The following PLA2G4E variants were observed in gnomAD, a reference collection of about 807,000 sequenced individuals.
The protein encoded by PLA2G4E is cytosolic phospholipase A2 epsilon.
A neutral mutation model predicts 109.1 loss-of-function variants in PLA2G4E; 84 were observed. The ratio of observed to expected loss-of-function variants is 0.77; its 90% CI spans 0.65 to 0.92. The LOEUF is 0.92. Ranked by LOEUF, PLA2G4E falls within the 40% of genes least tolerant of loss-of-function variation. The probability of loss-of-function intolerance (pLI) is 0.00; values close to 1 mark genes in which losing one functional copy is unlikely to be tolerated. For missense variants in PLA2G4E, 1,057 were observed against 1,076.6 expected (o/e 0.98, Z 0.25); for synonymous variants, 469 against 436.1 (o/e 1.08, Z -0.94).
At chr15:42,044,422 C>T (rs970230092) in intron 1 of PLA2G4E, among the ~76,000 whole-genome samples, 8 of 152,048 alleles carry the variant, frequency 5.3e-5, no homozygotes, top group Admixed American at 2.0e-4. Flanking sequence ...GCACCTGTGT[C>T]TGGGGCACGG....
intron 1 of PLA2G4E, among the ~76,000 whole-genome samples, chr15:42,032,029 A>G (rs2141071653): frequency 6.6e-6 from 1 of 152,144 alleles, no homozygotes; most frequent in South Asian, 2.1e-4. Flanking sequence ...AGTTCATGCA[A>G]GATCTAGTTG....
chr15:42,020,575 G>A (rs2141064789), intron 1 of PLA2G4E, among the ~76,000 whole-genome samples: 1 of 152,288 alleles, frequency 6.6e-6, no homozygotes, highest in East Asian at 1.9e-4. Flanking sequence ...ATGTTTGCAG[G>A]GTTAAATCCT....
intron 12 of PLA2G4E, among the ~76,000 whole-genome samples, 181 bp from the exon 13 acceptor site, chr15:41,993,140 A>G (rs929418782): frequency 6.6e-6 from 1 of 152,172 alleles, no homozygotes; most frequent in African/African-American, 2.4e-5. Context: ...GGTGAACATT[A>G]TTACTCATAA....
chr15:42,009,981 C>T (rs938140938), intron 2 of PLA2G4E: 2 of 335,438 alleles, frequency 6.0e-6, no homozygotes, highest in Non-Finnish European at 1.2e-5. Context: ...CATCTGTCTC[C>T]ATCACACTGT....
At chr15:42,026,595 A>T (rs563502907) in intron 1 of PLA2G4E, among the ~76,000 whole-genome samples, 1 of 152,340 alleles carries the variant, frequency 6.6e-6, no homozygotes, top group African/African-American at 2.4e-5. Flanking sequence ...GTGGAAGAGG[A>T]GGCTATCAGG....
chr15:42,013,360 G>A (rs1328108013), intron 2 of PLA2G4E, among the ~76,000 whole-genome samples: 5 of 152,206 alleles, frequency 3.3e-5, no homozygotes, highest in South Asian at 2.1e-4. Context: ...CTTGGAAATC[G>A]ATTCCAGGAA....
chr15:42,046,681 C>T (rs1889422045), intron 1 of PLA2G4E, among the ~76,000 whole-genome samples: 1 of 152,188 alleles, frequency 6.6e-6, no homozygotes, highest in South Asian at 2.1e-4. Context: ...CTGACCTGCT[C>T]AGTGCTCTCT....
chr15:42,045,522 T>G (rs1050991159), intron 1 of PLA2G4E, among the ~76,000 whole-genome samples: 2 of 152,200 alleles, frequency 1.3e-5, no homozygotes, highest in Non-Finnish European at 2.9e-5. Context: ...CTGCAGAGCT[T>G]GTGCTTTCTG....
intron 2 of PLA2G4E, among the ~76,000 whole-genome samples, chr15:42,008,539 G>T (rs1431222641): frequency 2.6e-5 from 4 of 152,216 alleles, no homozygotes; most frequent in Non-Finnish European, 5.9e-5. Flanking sequence ...CATTCTAAAT[G>T]AACAACCCAA....
chr15:42,037,685 G>A (rs930288094), intron 1 of PLA2G4E, among the ~76,000 whole-genome samples: 1 of 152,146 alleles, frequency 6.6e-6, no homozygotes, highest in Non-Finnish European at 1.5e-5. Flanking sequence ...GAAGAGCTGC[G>A]GCCCTTCAGG....
chr15:42,019,327 C>A (rs896343310), intron 1 of PLA2G4E, among the ~76,000 whole-genome samples: 3 of 152,230 alleles, frequency 2.0e-5, no homozygotes, highest in Non-Finnish European at 4.4e-5. Flanking sequence ...ACTTAATTAC[C>A]AAAGGGCTCC....
chr15:42,021,009 C>G (rs150927968), intron 1 of PLA2G4E, among the ~76,000 whole-genome samples: 9 of 151,868 alleles, frequency 5.9e-5, no homozygotes, highest in Non-Finnish European at 1.2e-4. Flanking sequence ...GAGACCCTGG[C>G]GTGCATCTGC....
intron 1 of PLA2G4E, among the ~76,000 whole-genome samples, chr15:42,031,657 C>A (rs977658702): frequency 6.6e-6 from 1 of 152,144 alleles, no homozygotes; most frequent in East Asian, 1.9e-4. Flanking sequence ...TGGTCCAAGG[C>A]CAGCTGACCA....
At chr15:42,022,643 C>G (rs771983530) in intron 1 of PLA2G4E, among the ~76,000 whole-genome samples, 14 of 152,094 alleles carry the variant, frequency 9.2e-5, no homozygotes, top group Admixed American at 6.6e-4. Context: ...CTATGAGAAT[C>G]TAATGCCACT....
At chr15:42,007,762 T>C (rs1595567001) in exon 3 of PLA2G4E, 1 of 1,612,802 alleles carries the variant, frequency 6.2e-7, no homozygotes, top group Non-Finnish European at 8.5e-7. Flanking sequence ...AGTTGAAGCT[T>C]TCATTCCACT....
rs1422616189 is a variant in PLA2G4E, at chr15:42,027,535, A to C, written c.184-13778T>G. On this transcript the variant is annotated intron_variant, in intron 1 of 19. Transcript: ENST00000399518. The stretch of plus-strand genomic sequence containing the variant: ...TTGCCTAACGGATCTCCCTGCTTCT[A>C]CTTTTGCCTTCCTATAAGCCACTCT... Among the ~76,000 whole-genome samples, 9 of 152,216 alleles carry C rather than the reference A, an allele frequency of 5.9e-5. No individual in the cohort carries two copies. In the East Asian group the frequency reaches 1.5e-3, roughly 26 times the overall value.
intron 16 of PLA2G4E, 66 bp from the exon 17 acceptor site, chr15:41,987,441 G>T: frequency 2.7e-6 from 4 of 1,488,014 alleles, no homozygotes; most frequent in Non-Finnish European, 3.7e-6. Flanking sequence ...CCTATGCGAA[G>T]CCCCACATGG....
chr15:42,010,539 T>A (rs558137256), intron 2 of PLA2G4E, among the ~76,000 whole-genome samples: 1 of 152,322 alleles, frequency 6.6e-6, no homozygotes, highest in South Asian at 2.1e-4. Context: ...TCATGGACTA[T>A]GGGGATTTCC....
chr15:41,988,070 T>G (rs754919078), exon 16 of PLA2G4E: 9 of 1,605,980 alleles, frequency 5.6e-6, no homozygotes, highest in East Asian at 4.5e-5. Context: ...ACTTTCTCCC[T>G]TGTCCACCTG....
Sources: allele counts gnomAD v4.1 joint callset (sites outside exome capture counted in the v4.1 genomes callset), GRCh38; gene constraint gnomAD v4.1.1; transcripts MANE v1.5; gene names NCBI Gene and HGNC (gene_info 2026-07-23, HGNC 2026-07-21).